Variants in FHIP2B observed in about 807,000 individuals in gnomAD.
FHIP2B encodes FHF complex subunit HOOK interacting protein 2B.
A neutral mutation model predicts 84.0 loss-of-function variants in FHIP2B; 72 were observed. The observed-to-expected ratio is 0.86, with a 90% confidence interval of 0.71 to 1.04. The LOEUF (loss-of-function observed/expected upper bound fraction) is 1.04. Among genes scored for constraint, FHIP2B ranks in the 50% least tolerant of loss-of-function variants. The probability of loss-of-function intolerance (pLI) is 0.00; values close to 1 mark genes in which losing one functional copy is unlikely to be tolerated. For missense variants in FHIP2B, 972 were observed against 968.9 expected (o/e 1.00, Z -0.04); for synonymous variants, 497 against 418.7 (o/e 1.19, Z -2.28).
At position 22,098,636 on chromosome 8, in the gene FHIP2B, G is replaced by T. The variant is rs1313017884; in HGVS notation, c.965+17G>T. The T allele has an allele frequency of 6.5e-7, 1 of 1,529,744 alleles. No homozygotes were observed. Among genetic ancestry groups the T allele is most frequent in the South Asian group, 1.2e-5 (1 of 82,330 alleles). 94.8% of individuals were successfully genotyped at this position (1,529,744 alleles called of 1,614,324 possible). ...CAGCTGGAGGTGGGTGCCCAGCCCG[G>T]GAAGGCCGGCCAGCATCTTCAGTTG... is the stretch of plus-strand genomic sequence containing the variant. On this transcript the variant is annotated intron_variant, in intron 7 of 16. Coordinates refer to ENST00000289921, the MANE Select transcript of FHIP2B (RefSeq NM_022749.7).
rs1214981587 is a variant in FHIP2B, at chr8:22,103,235, T to G, written c.*304T>G. The G allele has an allele frequency of 2.8e-6, 1 of 361,916 alleles. No homozygotes were observed. The highest frequency in any genetic ancestry group is 5.1e-6 in the Non-Finnish European group (1 of 196,390). 22.4% of individuals were successfully genotyped at this position (361,916 alleles called of 1,614,324 possible). ...CATGTGCTGTGTGCCTGGCCCCTTC[T>G]GTACTGGCCATTTGTGGCCAGGGCC... is the stretch of plus-strand genomic sequence containing the variant. On this transcript the variant is annotated 3_prime_UTR_variant, in exon 17 of 17. Coordinates refer to ENST00000289921, the MANE Select transcript of FHIP2B (RefSeq NM_022749.7).
rs1479622355 is a variant in FHIP2B, at chr8:22,089,199, G to A, written c.-55G>A. The A allele has an allele frequency of 2.9e-6, 3 of 1,041,912 alleles. No homozygotes were observed. The highest frequency in any genetic ancestry group is 7.1e-5 in the East Asian group (1 of 14,002). The allele number at this position is 1,041,912 out of a possible 1,614,324, so 64.5% of individuals were successfully genotyped here. ...CCGGGGCCACGGGGCTGCCTCCTCCGCCTAGAGCGCTGCCGCCGCCGCTTT... is the reference window on the plus strand; with the variant it reads ...CCGGGGCCACGGGGCTGCCTCCTCCACCTAGAGCGCTGCCGCCGCCGCTTT... On this transcript the variant is annotated 5_prime_UTR_variant, in exon 1 of 17. Coordinates refer to ENST00000289921, the MANE Select transcript of FHIP2B (RefSeq NM_022749.7).
rs900596647 is a variant in FHIP2B, at chr8:22,094,712, A to G, written c.124+194A>G. ...TGGGCCACTCCACTCCTGATGATTT[A>G]GCTGCCGGTCCCACTCTGACCTTTT... On this transcript the variant is annotated intron_variant, in intron 2 of 16. Coordinates refer to ENST00000289921, the MANE Select transcript of FHIP2B (RefSeq NM_022749.7). The G allele has an allele frequency of 5.7e-6, 8 of 1,408,852 alleles. No homozygotes were observed. The African/African-American group carries it at 7.6e-5, about 13-fold the overall frequency. The allele number at this position is 1,408,852 out of a possible 1,614,324, so 87.3% of individuals were successfully genotyped here.
In FHIP2B at chr8:22,102,953, G is replaced by T; in HGVS notation, c.*22G>T. On this transcript the variant is annotated 3_prime_UTR_variant, in exon 17 of 17. Transcript: ENST00000289921. ...CTGAGCCAGCACCAGGGCGGTGGGA[G>T]ACTCCTGTCCACACCTCTGCCCCAG... 6.2e-7 allele frequency: 1 copy of T among 1,609,742 alleles called. No homozygotes were observed. The highest frequency in any genetic ancestry group is 8.5e-7 in the Non-Finnish European group (1 of 1,178,224).
chr8:22,094,247 A>G (rs563115199), intron 1 of FHIP2B, among the ~76,000 whole-genome samples, 193 bp from the exon 2 acceptor site: 1 of 152,160 alleles, frequency 6.6e-6, no homozygotes, highest in Non-Finnish European at 1.5e-5. Flanking sequence ...AGTGCCTGTC[A>G]GGAGATCCTT....
rs1826162715 is a variant in FHIP2B, at chr8:22,102,244, C to T, written c.1921C>T (p.His641Tyr). The T allele has an allele frequency of 1.2e-6, 2 of 1,613,344 alleles. No homozygotes were observed. Among genetic ancestry groups the T allele is most frequent in the East Asian group, 2.2e-5 (1 of 44,874 alleles). The change falls in exon 15 of 17, where the codon CAT becomes TAT. Residue 641 changes from histidine to tyrosine, a missense_variant. His to Tyr is a moderately conservative substitution (Grantham distance 83). Transcript: ENST00000289921. The stretch of plus-strand genomic sequence containing the variant: ...TGCCCTCTTCCCCCACCCCCATATT[C>T]ATGAGTACCTGCTGGATCCGTACAT... ...RLALFPHPHIHEYLLDPYISL... is the reference protein window; with the variant it reads ...RLALFPHPHIYEYLLDPYISL...
At chr8:22,090,321 C>T (rs1248484750) in intron 1 of FHIP2B, among the ~76,000 whole-genome samples, 1 of 152,206 alleles carries the variant, frequency 6.6e-6, no homozygotes, top group African/African-American at 2.4e-5. Flanking sequence ...ACCACCTCCT[C>T]CCCAACCCTC....
chr8:22,092,115 CAACT>C (rs150729672), intron 1 of FHIP2B, among the ~76,000 whole-genome samples: 1,733 of 152,288 alleles, frequency 0.011, 7 homozygotes, highest in Non-Finnish European at 0.013. Context: ...CAGCCCCTAC[CAACT>C]AGCTTTGCAA....
chr8:22,098,946 A>T lies in FHIP2B; in HGVS notation c.966-2A>T. 1 of 1,599,370 alleles carries T rather than the reference A, an allele frequency of 6.3e-7. No individual in the cohort carries two copies. Among genetic ancestry groups the T allele is most frequent in the South Asian group, 1.1e-5 (1 of 88,308 alleles). ...TGAGACTTCACTCCCCTCTTCCTTC[A>T]GGTTACCCAGTGCCCCGTCTGATGA... On this transcript the variant is annotated splice_acceptor_variant, in intron 7 of 16. Coordinates refer to ENST00000289921, the MANE Select transcript of FHIP2B (RefSeq NM_022749.7). LOFTEE classifies it high-confidence loss of function.
intron 3 of FHIP2B, 84 bp downstream of exon 3, chr8:22,096,593 C>G: frequency 7.1e-7 from 1 of 1,408,178 alleles, no homozygotes; most frequent in Non-Finnish European, 9.2e-7. Context: ...GGCCTCTGTG[C>G]GCTGGGCCAG....
At position 22,097,229 on chromosome 8, in the gene FHIP2B, G is replaced by A. The variant is rs149384065; in HGVS notation, c.298-287G>A. 6.3e-3 allele frequency among the ~76,000 whole-genome samples: 956 copies of A among 152,192 alleles called. 9 individuals carry two copies. Among genetic ancestry groups the A allele is most frequent in the Non-Finnish European group, 0.011 (716 of 67,994 alleles). On this transcript the variant is annotated intron_variant, in intron 3 of 16. Coordinates refer to ENST00000289921, the MANE Select transcript of FHIP2B (RefSeq NM_022749.7). Reference sequence around the variant, plus strand: ...CCTGTGAGAACGGGCCCTCTGAGCCGGAACTGAGGGAGGAGTTGAGCCTGG... The same window carrying A: ...CCTGTGAGAACGGGCCCTCTGAGCCAGAACTGAGGGAGGAGTTGAGCCTGG...
chr8:22,089,708 C>A, intron 1 of FHIP2B: 1 of 1,196,928 alleles, frequency 8.4e-7, no homozygotes, highest in East Asian at 6.1e-5. Context: ...ACCCCACCGC[C>A]TCGCCTGGGC....
Position 22,096,373 on chromosome 8 carries a change from G to A in FHIP2B, c.161G>A (p.Trp54Ter), listed in dbSNP as rs1825767294. 6.4e-7 allele frequency: 1 copy of A among 1,560,042 alleles called. No individual in the cohort carries two copies. The highest frequency in any genetic ancestry group is 8.7e-7 in the Non-Finnish European group (1 of 1,152,076). Residue 54 changes from tryptophan (W) to a stop codon, truncating the protein, a stop_gained, in exon 3 of 17, where the codon TGG becomes TAG. Transcript: ENST00000289921. LOFTEE classifies it high-confidence loss of function. The part of the protein sequence containing the change: ...STPAKKTDIP[W>*]RLKQMLDILV... ...CCCGCCAAGAAGACAGACATTCCCT[G>A]GCGGCTGAAGCAGATGCTGGATATC...
In FHIP2B at chr8:22,100,937, C is replaced by G. The variant is rs374355615; in HGVS notation, c.1581C>G (p.Tyr527Ter). Reference sequence around the variant, plus strand: ...CTCGCCTAGCTCCTGCTACCAGTTACGATGGCAAAACAGCAGTGACCGAGA... The same window carrying G: ...CTCGCCTAGCTCCTGCTACCAGTTAGGATGGCAAAACAGCAGTGACCGAGA... ...AKPRLAPATS[Y>*]DGKTAVTEIV... is the part of the protein sequence containing the mutation. Residue 527 changes from tyrosine (Y) to a stop codon, truncating the protein, a stop_gained, in exon 12 of 17, where the codon TAC becomes TAG. Coordinates refer to ENST00000289921, the MANE Select transcript of FHIP2B (RefSeq NM_022749.7). LOFTEE classifies it high-confidence loss of function. 3.7e-6 allele frequency: 6 copies of G among 1,613,920 alleles called. No individual in the cohort carries two copies. Among genetic ancestry groups the G allele is most frequent in the Middle Eastern group, 1.6e-4 (1 of 6,062 alleles).
chr8:22,099,636 G>A, intron 9 of FHIP2B, 68 bp from the exon 10 acceptor site: 1 of 1,487,388 alleles, frequency 6.7e-7, no homozygotes, highest in Non-Finnish European at 9.0e-7. Context: ...AGCAGGAAGG[G>A]TTCGGCCACC....
At chr8:22,094,924 T>G (rs1825684389) in intron 2 of FHIP2B, 3 of 1,066,602 alleles carry the variant, frequency 2.8e-6, no homozygotes, top group South Asian at 2.6e-5. Context: ...TGAGCCAGCT[T>G]AGGGGCAATG....
intron 1 of FHIP2B, among the ~76,000 whole-genome samples, chr8:22,090,165 C>T (rs1479273531): frequency 7.4e-6 from 1 of 134,878 alleles, no homozygotes; most frequent in Non-Finnish European, 1.6e-5. Flanking sequence ...GGGGGGGTGC[C>T]CGCTGTTGAA....
At chr8:22,096,948 G>T (rs1197075928) in intron 3 of FHIP2B, 1 of 171,062 alleles carries the variant, frequency 5.8e-6, no homozygotes, top group Middle Eastern at 2.6e-3. Flanking sequence ...GGAGGCCGAG[G>T]TGGGTGGATT....
intron 9 of FHIP2B, among the ~76,000 whole-genome samples, 170 bp from the exon 10 acceptor site, chr8:22,099,534 G>A (rs920576297): frequency 3.9e-5 from 6 of 152,206 alleles, no homozygotes; most frequent in Non-Finnish European, 8.8e-5. Context: ...TCTGAGCTAC[G>A]TGGGCTAAAC....
Sources: allele counts gnomAD v4.1 joint callset (sites outside exome capture counted in the v4.1 genomes callset), GRCh38; gene constraint gnomAD v4.1.1; transcripts MANE v1.5; gene names NCBI Gene and HGNC (gene_info 2026-07-23, HGNC 2026-07-21).